The following ATE1 variants were observed in gnomAD, a reference collection of about 807,000 sequenced individuals.
ATE1 encodes the protein arginyl-tRNA--protein transferase 1.
A neutral mutation model predicts 70.5 loss-of-function variants in ATE1; 36 were observed. The ratio of observed to expected loss-of-function variants is 0.51; its 90% confidence interval spans 0.39 to 0.67. The LOEUF (loss-of-function observed/expected upper bound fraction) is 0.67. ATE1 is among the 30% of genes least tolerant of loss of function. The pLI, the probability that ATE1 is intolerant of heterozygous loss-of-function variation, is 0.00. For synonymous variants in ATE1, 232 were observed against 219.3 expected, an observed-to-expected ratio of 1.06 and a Z score of -0.51; for missense variants, 593 against 629.5, an observed-to-expected ratio of 0.94 and a Z score of 0.62.
At chr10:121,885,984 A>C (rs1435397420) in intron 7 of ATE1, among the ~76,000 whole-genome samples, 1 of 152,118 alleles carries the variant, frequency 6.6e-6, no homozygotes, top group Non-Finnish European at 1.5e-5. Flanking sequence ...TATATGCCAG[A>C]GTTAAATATT....
At chr10:121,922,282 A>T (rs1951911557) in intron 3 of ATE1, 67 bp downstream of exon 3, 1 of 1,113,720 alleles carries the variant, frequency 9.0e-7, no homozygotes, top group Non-Finnish European at 1.3e-6. Context: ...AAAGCACAAG[A>T]GACTACTAAA....
chr10:121,775,743 C>T (rs1053149973), intron 11 of ATE1, among the ~76,000 whole-genome samples: 1 of 152,194 alleles, frequency 6.6e-6, no homozygotes, highest in African/African-American at 2.4e-5. Context: ...AGTAACTGGT[C>T]ACTCAAATAT....
At position 121,841,254 on chromosome 10, in the gene ATE1, G is replaced by C. The variant is rs143759967; in HGVS notation, c.985C>G (p.Pro329Ala). The change falls in exon 9 of 12, where the codon CCC (proline) becomes GCC (alanine). Residue 329 changes from proline (P) to alanine (A), a missense_variant. Coordinates refer to ENST00000224652, the MANE Select transcript of ATE1 (RefSeq NM_001001976.3). ...LCSSPLEAET[P>A]PNGPDCGYGS... Reference sequence around the variant, plus strand: ...TAGCCACAATCTGGCCCATTAGGGGGAGTCTCTGCCTAAGAAAAAGCAGAG... The same window carrying C: ...TAGCCACAATCTGGCCCATTAGGGGCAGTCTCTGCCTAAGAAAAAGCAGAG... 5.3e-6 allele frequency: 8 copies of C among 1,510,338 alleles called. No homozygotes were observed. The African/African-American group carries it at 9.7e-5, about 18-fold the overall frequency. 93.6% of individuals were successfully genotyped at this position (1,510,338 alleles called of 1,614,324 possible).
chr10:121,766,016 T>C (rs1172157773), intron 11 of ATE1, among the ~76,000 whole-genome samples: 3 of 152,066 alleles, frequency 2.0e-5, no homozygotes, highest in African/African-American at 7.3e-5. Flanking sequence ...ATTGTCTCTA[T>C]TATTCTGACA....
At chr10:121,915,241 G>T (rs11200254) in intron 3 of ATE1, among the ~76,000 whole-genome samples, 20,087 of 152,010 alleles carry the variant, frequency 0.13, 1,526 homozygotes, top group East Asian at 0.19. Flanking sequence ...AAGAGTCTGA[G>T]AACAAAAACA....
chr10:121,764,792 T>C (rs1198673460), intron 11 of ATE1, among the ~76,000 whole-genome samples: 6 of 152,236 alleles, frequency 3.9e-5, no homozygotes, highest in South Asian at 4.1e-4. Context: ...GCACATTTAC[T>C]GGAATGTGCT....
intron 10 of ATE1, among the ~76,000 whole-genome samples, chr10:121,801,806 C>G (rs1188214377): frequency 6.6e-6 from 1 of 152,022 alleles, no homozygotes; most frequent in Non-Finnish European, 1.5e-5. Flanking sequence ...TCCAAGTTTT[C>G]TCCTTTGAAT....
At chr10:121,926,948 G>A (rs1411968196) in intron 1 of ATE1, 9 of 985,270 alleles carry the variant, frequency 9.1e-6, no homozygotes, top group Non-Finnish European at 1.1e-5. Context: ...TTTTAATGAA[G>A]GAGCAAATGC....
intron 11 of ATE1, among the ~76,000 whole-genome samples, chr10:121,786,100 T>A (rs1014039489): frequency 7.2e-5 from 11 of 151,762 alleles, no homozygotes; most frequent in African/African-American, 2.4e-4. Context: ...ACAAAAAATA[T>A]TTGAGGGGTC....
chr10:121,903,168 A>C (rs4498920), intron 5 of ATE1, among the ~76,000 whole-genome samples: 124,443 of 151,470 alleles, frequency 0.82, 55,660 homozygotes, highest in South Asian at 0.98. Flanking sequence ...GGATTACAGG[A>C]ATGAGCCACC....
intron 10 of ATE1, among the ~76,000 whole-genome samples, chr10:121,804,261 A>G (rs1167068097): frequency 2.0e-5 from 3 of 152,208 alleles, no homozygotes; most frequent in Admixed American, 6.5e-5. Context: ...ATTTTGAATG[A>G]TAACTTGAGA....
At chr10:121,866,846 CAAAAAAAAAA>C (rs35535465) in intron 8 of ATE1, among the ~76,000 whole-genome samples, 3 of 102,958 alleles carry the variant, frequency 2.9e-5, no homozygotes, top group Non-Finnish European at 5.7e-5. Flanking sequence ...GACTCTGTCT[CAAAAAAAAAA>C]AAAAAAAAAA....
intron 8 of ATE1, among the ~76,000 whole-genome samples, chr10:121,846,037 G>A (rs1312072112): frequency 6.6e-6 from 1 of 150,422 alleles, no homozygotes; most frequent in Non-Finnish European, 1.5e-5. Context: ...AGAAACCAGG[G>A]CCCCCAAGGA....
At chr10:121,889,358 T>C (rs1387831106) in intron 7 of ATE1, among the ~76,000 whole-genome samples, 2 of 151,724 alleles carry the variant, frequency 1.3e-5, no homozygotes, top group South Asian at 2.1e-4. Context: ...ATTCTAAAGA[T>C]AATTGGGTTA....
At chr10:121,884,716 G>C (rs1304810547) in intron 7 of ATE1, among the ~76,000 whole-genome samples, 1 of 152,184 alleles carries the variant, frequency 6.6e-6, no homozygotes, top group African/African-American at 2.4e-5. Flanking sequence ...AAAGGAACAT[G>C]CTTGAGATAT....
intron 8 of ATE1, among the ~76,000 whole-genome samples, 171 bp downstream of exon 8, chr10:121,869,834 CT>C: frequency 6.6e-6 from 1 of 152,178 alleles, no homozygotes; most frequent in South Asian, 2.1e-4. Flanking sequence ...CTTCTAGAAA[CT>C]TTTATCCAAA....
At chr10:121,745,620 A>G (rs964475415) in intron 11 of ATE1, among the ~76,000 whole-genome samples, 20 of 152,130 alleles carry the variant, frequency 1.3e-4, no homozygotes, top group Non-Finnish European at 2.8e-4. Flanking sequence ...CCAGCTACTC[A>G]GGAGGCTGAG....
At chr10:121,757,695 A>T (rs779217933) in intron 11 of ATE1, among the ~76,000 whole-genome samples, 4 of 152,186 alleles carry the variant, frequency 2.6e-5, no homozygotes, top group South Asian at 4.1e-4. Flanking sequence ...ACTATCACAA[A>T]AACAGTACAG....
At chr10:121,896,428 G>A (rs1327849553) in intron 7 of ATE1, among the ~76,000 whole-genome samples, 1 of 152,204 alleles carries the variant, frequency 6.6e-6, no homozygotes, top group Admixed American at 6.5e-5. Flanking sequence ...GAGGCTAGTT[G>A]AAGACTGCTG....
Sources: gnomAD v4.1 joint callset for allele counts (sites outside exome capture counted in the v4.1 genomes callset) on GRCh38, gnomAD v4.1.1 for gene constraint, MANE v1.5 for transcripts, NCBI Gene and HGNC (gene_info 2026-07-23, HGNC 2026-07-21) for gene names.